OCA2: variants seen among roughly 807,000 people sequenced by gnomAD.
The protein encoded by OCA2 is OCA2 melanosomal transmembrane protein.
In OCA2, 77 loss-of-function variants were observed where a neutral mutation model predicts 100.2. The observed-to-expected ratio is 0.77, with a 90% CI of 0.64 to 0.93. The LOEUF is 0.93. Ranked by LOEUF, OCA2 falls within the 40% of genes least tolerant of loss-of-function variation. The pLI is 0.00. For synonymous variants in OCA2, 432 were observed against 439.2 expected, an observed-to-expected ratio of 0.98 and a Z score of 0.21; for missense variants, 1,062 against 1,089.1, an observed-to-expected ratio of 0.98 and a Z score of 0.35.
intron 18 of OCA2, among the ~76,000 whole-genome samples, chr15:27,937,622 TG>T (rs1407840861): frequency 3.3e-5 from 5 of 152,242 alleles, no homozygotes; most frequent in Non-Finnish European, 7.3e-5. Context: ...CATCTCGTTG[TG>T]GTTAAATTTT....
intron 19 of OCA2, among the ~76,000 whole-genome samples, chr15:27,874,370 T>C (rs769034775): frequency 8.5e-5 from 13 of 152,174 alleles, no homozygotes; most frequent in Non-Finnish European, 1.8e-4. Flanking sequence ...CTCCACTGTT[T>C]CTCACATTGA....
chr15:27,957,510 C>T lies in OCA2; in HGVS notation c.1784+78G>A, dbSNP rs2040262851. Reference sequence around the variant, plus strand: ...CTAAATATCACGTATTAGTATACAGCTAATGTCGCTATTTTGTAGGCCCAT... The same window carrying T: ...CTAAATATCACGTATTAGTATACAGTTAATGTCGCTATTTTGTAGGCCCAT... On this transcript the variant is annotated intron_variant, in intron 16 of 23. Coordinates refer to ENST00000354638, the MANE Select transcript of OCA2 (RefSeq NM_000275.3). This position sits in a 1 kb window ranked among gnomAD's most constrained non-coding sequence, Gnocchi z 4.3. 2.6e-6 allele frequency: 4 copies of T among 1,513,982 alleles called. No individual in the cohort carries two copies. Among genetic ancestry groups the T allele is most frequent in the South Asian group, 1.1e-5 (1 of 89,076 alleles). The allele number at this position is 1,513,982 out of a possible 1,614,324, so 93.8% of individuals were successfully genotyped here. A position where few individuals can be genotyped will look rare whatever the true frequency, so the allele number is the denominator to read the frequency against.
chr15:27,990,497 G>A (rs1045986578), intron 10 of OCA2, 79 bp downstream of exon 10: 44 of 1,435,024 alleles, frequency 3.1e-5, no homozygotes, highest in African/African-American at 2.4e-4. Context: ...AAAAACCAGC[G>A]AAAGCCTGAA....
intron 19 of OCA2, among the ~76,000 whole-genome samples, chr15:27,872,318 T>C (rs1396360924): frequency 6.6e-6 from 1 of 152,266 alleles, no homozygotes; most frequent in African/African-American, 2.4e-5. Flanking sequence ...CACAGAGTTT[T>C]AAAAGACATT....
At chr15:28,081,550 T>G in intron 2 of OCA2, 98 bp downstream of exon 2, 1 of 1,250,974 alleles carries the variant, frequency 8.0e-7, no homozygotes, top group Non-Finnish European at 1.1e-6. Flanking sequence ...GCAAAATTTC[T>G]GGAAATTTTT....
Position 27,990,601 on chromosome 15 carries a change from A to C in OCA2, c.1091T>G (p.Leu364Arg), listed in dbSNP as rs1290121824. ...ATCGCCAATCACAGCCAGTGCTGCC[A>C]GTGCTGCAAGGGAACCCAGCATGGC... ...LAAMLGSLAA[L>R]AALAVIGDRP... The change falls in exon 10 of 24, where the codon CTG becomes CGG. Residue 364 changes from leucine (L) to arginine (R), a missense_variant. Leu to Arg is a moderately radical substitution (Grantham distance 102, BLOSUM62 -2). Transcript: ENST00000354638. 1 of 1,614,002 alleles carries C rather than the reference A, an allele frequency of 6.2e-7. No homozygotes were observed. The highest frequency in any genetic ancestry group is 8.5e-7 in the Non-Finnish European group (1 of 1,180,028).
intron 19 of OCA2, among the ~76,000 whole-genome samples, chr15:27,910,658 T>TA (rs112178150): frequency 1.6e-3 from 233 of 147,734 alleles, no homozygotes; most frequent in Non-Finnish European, 2.0e-3. Flanking sequence ...TTATTTATGT[T>TA]AAAAAAAAAA....
chr15:27,835,638 C>G (rs888878151), intron 23 of OCA2, among the ~76,000 whole-genome samples: 6 of 152,252 alleles, frequency 3.9e-5, no homozygotes, highest in Non-Finnish European at 7.3e-5. Context: ...GGACAGGTGA[C>G]TTTACCAGGG....
chr15:28,066,484 T>C (rs2044028122), intron 2 of OCA2, among the ~76,000 whole-genome samples: 1 of 152,106 alleles, frequency 6.6e-6, no homozygotes, highest in Non-Finnish European at 1.5e-5. Flanking sequence ...CTGATTAGCA[T>C]TAACATTTAA....
At chr15:27,796,158 G>A (rs1347566350) in intron 23 of OCA2, among the ~76,000 whole-genome samples, 1 of 152,240 alleles carries the variant, frequency 6.6e-6, no homozygotes, top group Non-Finnish European at 1.5e-5. Flanking sequence ...CTGACTGGAG[G>A]AACAGGCAGC....
At chr15:27,936,263 T>C (rs1343699954) in intron 18 of OCA2, among the ~76,000 whole-genome samples, 2 of 146,424 alleles carry the variant, frequency 1.4e-5, no homozygotes, top group Non-Finnish European at 3.0e-5. Flanking sequence ...GTTGGGTGGG[T>C]GAGTAGGACA....
At position 27,994,877 on chromosome 15, in the gene OCA2, G is replaced by A. The variant is rs1455357897; in HGVS notation, c.1045-4230C>T. 3.3e-5 allele frequency among the ~76,000 whole-genome samples: 5 copies of A among 152,098 alleles called. No homozygotes were observed. The South Asian group carries it at 8.3e-4, about 25-fold the overall frequency. On this transcript the variant is annotated intron_variant, in intron 9 of 23. Transcript: ENST00000354638. ...CTAGTCATCATGTAAATTCCAGATA[G>A]GTGGGATACCGAGCAGATGGAAAGA...
At chr15:28,024,587 G>A (rs1036879839) in intron 5 of OCA2, among the ~76,000 whole-genome samples, 24 of 152,294 alleles carry the variant, frequency 1.6e-4, no homozygotes, top group East Asian at 5.8e-4. Context: ...CCAGCTACCC[G>A]ACCTTCCATA....
intron 18 of OCA2, among the ~76,000 whole-genome samples, chr15:27,946,633 A>G (rs920505448): frequency 3.3e-5 from 5 of 152,192 alleles, no homozygotes; most frequent in African/African-American, 9.6e-5. Context: ...TCATCATTCA[A>G]TCAAACTCCT....
chr15:28,014,986 C>A, intron 8 of OCA2, 57 bp from the exon 9 acceptor site: 39 of 1,555,962 alleles, frequency 2.5e-5, no homozygotes, highest in Non-Finnish European at 3.4e-5. Context: ...GGGGACCTCC[C>A]TCTGTATCAG....
intron 19 of OCA2, among the ~76,000 whole-genome samples, chr15:27,894,958 G>A (rs2037626255): frequency 6.6e-6 from 1 of 152,210 alleles, no homozygotes; most frequent in Non-Finnish European, 1.5e-5. Flanking sequence ...TTTAAGGTTG[G>A]ATTGTGACAT....
At chr15:27,739,303 G>A in the OCA2 span, among the ~76,000 whole-genome samples, 13 of 152,194 alleles carry the variant, frequency 8.5e-5, no homozygotes, top group African/African-American at 2.4e-4. Context: ...CCTGCGGTGC[G>A]TGGTCACCCT....
chr15:27,896,160 A>G, intron 19 of OCA2: 1 of 949,648 alleles, frequency 1.1e-6, no homozygotes, highest in Non-Finnish European at 1.7e-6. Context: ...TACCAGTGGC[A>G]ATGAAGTTTT....
intron 6 of OCA2, among the ~76,000 whole-genome samples, chr15:28,020,069 T>C (rs926915525): frequency 6.6e-6 from 1 of 151,956 alleles, no homozygotes; most frequent in African/African-American, 2.4e-5. Flanking sequence ...TCTCTCTCCC[T>C]CTTCATCCAA....
Sources: allele counts gnomAD v4.1 joint callset (sites outside exome capture counted in the v4.1 genomes callset), GRCh38; gene constraint gnomAD v4.1.1; non-coding constraint Gnocchi (gnomAD v3.1); transcripts MANE v1.5; gene names NCBI Gene and HGNC (gene_info 2026-07-23, HGNC 2026-07-21).